WNK3: variants seen among roughly 807,000 people sequenced by gnomAD.
WNK3 encodes WNK lysine deficient protein kinase 3.
In WNK3, 18 loss-of-function variants were observed where a neutral mutation model predicts 116.7. That is an observed-to-expected ratio of 0.15 (90% CI 0.11 to 0.23). WNK3 has a LOEUF of 0.23. Ranked by LOEUF, WNK3 falls within the 10% of genes least tolerant of loss-of-function variation. WNK3 has a pLI of 1.00. For missense variants in WNK3, 993 were observed against 1,323.8 expected (o/e 0.75, Z 3.88); for synonymous variants, 404 against 469.4 (o/e 0.86, Z 1.80).
chrX:54,268,486 C>T (rs2068342374), intron 10 of WNK3, among the ~76,000 whole-genome samples: 1 of 110,544 alleles, frequency 9.0e-6, no homozygotes, highest in Non-Finnish European at 1.9e-5. Flanking sequence ...AGAGCAAGAC[C>T]CTGCCTCAAA....
chrX:54,325,765 C>A (rs2069095992), intron 2 of WNK3, among the ~76,000 whole-genome samples: 1 of 106,331 alleles, frequency 9.4e-6, no homozygotes, highest in Admixed American at 1.0e-4. Flanking sequence ...TAAGTATTTT[C>A]CAACTCATCA....
At chrX:54,248,174 C>G (rs1603381194) in intron 17 of WNK3, among the ~76,000 whole-genome samples, 1 of 108,824 alleles carries the variant, frequency 9.2e-6, no homozygotes, top group Admixed American at 9.9e-5. Flanking sequence ...GGAGGCAGAC[C>G]GAGATCATGC....
rs181350743 is a variant in WNK3 at position 54,304,688 on chromosome X, C to T, written c.1090-2829G>A. 3.1e-4 allele frequency among the ~76,000 whole-genome samples: 35 copies of T among 111,696 alleles called. No homozygotes were observed. The East Asian group carries it at 9.0e-3, about 29-fold the overall frequency. On this transcript the variant is annotated intron_variant, in intron 5 of 23. Coordinates refer to ENST00000354646, the Ensembl canonical transcript of WNK3. ...ACAGTTGGTTTGTTCAAATCAGGAT[C>T]CAAACAAGGTCCATAGGGTAGGGTG...
At chrX:54,194,365 A>G (rs983982651) in exon 24 of WNK3, 2 of 112,367 alleles carry the variant, frequency 1.8e-5, no homozygotes, top group African/African-American at 3.2e-5. Context: ...ATGATAGGCC[A>G]TTGCTGAAGG....
chrX:54,217,047 C>T (rs1366296424), intron 22 of WNK3, among the ~76,000 whole-genome samples: 1 of 110,812 alleles, frequency 9.0e-6, no homozygotes, highest in Non-Finnish European at 1.9e-5. Flanking sequence ...GGGCCGGGCA[C>T]GGTGGCTCAC....
At chrX:54,222,914 TAA>T (rs1491585021) in intron 22 of WNK3, among the ~76,000 whole-genome samples, 6 of 68,391 alleles carry the variant, frequency 8.8e-5, no homozygotes, top group African/African-American at 2.9e-4. Context: ...ATAATAATAA[TAA>T]TATATATATA....
intron 13 of WNK3, 125 bp from the exon 14 acceptor site, chrX:54,251,812 TC>T: frequency 1.6e-6 from 1 of 623,178 alleles, no homozygotes; most frequent in Non-Finnish European, 2.3e-6. Context: ...ATGCCTGTAA[TC>T]CCAGCACTTT....
chrX:54,273,973 T>C (rs1183613075), intron 10 of WNK3, among the ~76,000 whole-genome samples: 1 of 111,467 alleles, frequency 9.0e-6, no homozygotes, highest in Non-Finnish European at 1.9e-5. Context: ...TAAGAAAACG[T>C]GCTCCCAACA....
intron 1 of WNK3, among the ~76,000 whole-genome samples, chrX:54,341,736 C>T (rs782513277): frequency 9.9e-5 from 11 of 111,088 alleles, no homozygotes; most frequent in Non-Finnish European, 2.1e-4. Context: ...TATGAAATGT[C>T]CAGAAAATAC....
chrX:54,323,025 C>T (rs1034583453), intron 2 of WNK3, among the ~76,000 whole-genome samples: 1 of 111,074 alleles, frequency 9.0e-6, no homozygotes, highest in Non-Finnish European at 1.9e-5. Flanking sequence ...GCAAGATACA[C>T]CAACGGATGC....
At chrX:54,317,253 G>T (rs1230171481) in intron 2 of WNK3, among the ~76,000 whole-genome samples, 1 of 108,833 alleles carries the variant, frequency 9.2e-6, no homozygotes, top group Non-Finnish European at 1.9e-5. Context: ...TCCGCCTGCC[G>T]GGTTCAAGCA....
intron 2 of WNK3, among the ~76,000 whole-genome samples, chrX:54,321,777 T>C (rs1318588209): frequency 9.1e-5 from 10 of 109,674 alleles, no homozygotes; most frequent in Non-Finnish European, 1.9e-4. Context: ...CTGGCCAACA[T>C]GGTGAAACCC....
At chrX:54,284,700 G>T (rs936102833) in intron 10 of WNK3, among the ~76,000 whole-genome samples, 1 of 112,376 alleles carries the variant, frequency 8.9e-6, no homozygotes, top group African/African-American at 3.2e-5. Flanking sequence ...GCTGGGCATG[G>T]TGGCTTGTGC....
chrX:54,316,539 C>CAAA (rs781865793), intron 2 of WNK3, among the ~76,000 whole-genome samples: 1 of 35,530 alleles, frequency 2.8e-5, no homozygotes, highest in African/African-American at 9.7e-5. Flanking sequence ...GACTCCATCT[C>CAAA]AAAAAAAAAA....
intron 2 of WNK3, among the ~76,000 whole-genome samples, chrX:54,329,781 C>T (rs1324676174): frequency 1.8e-5 from 2 of 112,014 alleles, no homozygotes; most frequent in Non-Finnish European, 3.8e-5. Context: ...ATGTACCCTA[C>T]TACCAAGTGA....
At chrX:54,312,948 T>A (rs782483975) in intron 2 of WNK3, among the ~76,000 whole-genome samples, 3 of 111,714 alleles carry the variant, frequency 2.7e-5, no homozygotes, top group African/African-American at 9.7e-5. Flanking sequence ...TTCCTTTAGT[T>A]ATTGTTCATT....
intron 23 of WNK3, 124 bp from the exon 24 acceptor site, chrX:54,198,777 T>C: frequency 1.8e-6 from 1 of 542,629 alleles, no homozygotes; most frequent in South Asian, 4.9e-5. Context: ...CTTCCTAGTC[T>C]TTTTGGCATA....
At chrX:54,258,233 G>C (rs1239943249) in intron 11 of WNK3, among the ~76,000 whole-genome samples, 1 of 94,994 alleles carries the variant, frequency 1.1e-5, no homozygotes, top group Non-Finnish European at 2.1e-5. Flanking sequence ...AGCCGAAATC[G>C]TGCCACTGCA....
At chrX:54,198,086 G>C (rs1219466076) in exon 24 of WNK3, 1 of 280,333 alleles carries the variant, frequency 3.6e-6, no homozygotes, top group Non-Finnish European at 6.2e-6. Flanking sequence ...AAGTATCAAA[G>C]AGGATAGAAT....
Sources: gnomAD v4.1 joint callset for allele counts (sites outside exome capture counted in the v4.1 genomes callset) on GRCh38, gnomAD v4.1.1 for gene constraint, MANE v1.5 for transcripts, NCBI Gene and HGNC (gene_info 2026-07-23, HGNC 2026-07-21) for gene names.